TRPM3: variants seen among roughly 807,000 people sequenced by gnomAD.
TRPM3 encodes the protein transient receptor potential cation channel subfamily M member 3, also known as long transient receptor potential channel 3.
TRPM3 carries 77 observed loss-of-function variants against 181.2 expected under a neutral mutation model. The observed-to-expected ratio is 0.42, with a 90% CI of 0.35 to 0.51. The LOEUF (loss-of-function observed/expected upper bound fraction) is 0.51, where lower values mean the gene tolerates loss of function less well. TRPM3 is among the 20% of genes least tolerant of loss of function. The probability of loss-of-function intolerance (pLI) is 0.01; values close to 1 mark genes in which losing one functional copy is unlikely to be tolerated. For missense variants in TRPM3, 1,759 were observed against 2,196.7 expected (o/e 0.80, Z 3.98); for synonymous variants, 745 against 796.4 (o/e 0.94, Z 1.09).
In TRPM3 at chr9:70,923,826, CTCTATA is replaced by C. The variant is rs200226662; in HGVS notation, c.178-59321_178-59316del. ...ACACTCTCTCTCTCTCTCTCTCTCT[CTCTATA>C]TATATATATATACACACACACACAC... is the stretch of plus-strand genomic sequence containing the variant. On this transcript the variant is annotated intron_variant, in intron 1 of 25. Coordinates refer to ENST00000677713, the MANE Select transcript of TRPM3 (RefSeq NM_001366145.2). Among the ~76,000 whole-genome samples, 5 of 142,486 alleles carry C rather than the reference CTCTATA, an allele frequency of 3.5e-5. No individual in the cohort carries two copies. In the South Asian group the frequency reaches 9.0e-4, roughly 26 times the overall value. 93.5% of individuals were successfully genotyped at this position (142,486 alleles called of 152,430 possible).
At chr9:70,831,923 T>C (rs1318110212) in intron 5 of TRPM3, among the ~76,000 whole-genome samples, 2 of 130,130 alleles carry the variant, frequency 1.5e-5, no homozygotes, top group Non-Finnish European at 3.2e-5. Flanking sequence ...GCTTATTTCA[T>C]AGTGCATGTC....
At chr9:70,768,738 A>T (rs2079614255) in intron 7 of TRPM3, among the ~76,000 whole-genome samples, 1 of 152,020 alleles carries the variant, frequency 6.6e-6, no homozygotes, top group Non-Finnish European at 1.5e-5. Flanking sequence ...TGGCCACCCA[A>T]CTCAAAAACG....
chr9:70,905,637 GTGA>G (rs1245965024), intron 1 of TRPM3, among the ~76,000 whole-genome samples: 1 of 152,110 alleles, frequency 6.6e-6, no homozygotes, highest in East Asian at 1.9e-4. Flanking sequence ...ACCTAGAAAT[GTGA>G]TGAATAACCT....
intron 1 of TRPM3, among the ~76,000 whole-genome samples, chr9:71,091,212 A>C (rs2066159452): frequency 6.6e-6 from 1 of 152,064 alleles, no homozygotes; most frequent in Admixed American, 6.6e-5. Flanking sequence ...TTATTAACAG[A>C]AGTTGTATTG....
chr9:70,879,580 C>T (rs1442676834), intron 1 of TRPM3, among the ~76,000 whole-genome samples: 3 of 152,026 alleles, frequency 2.0e-5, no homozygotes, highest in Admixed American at 2.0e-4. Flanking sequence ...AGGGACCAGA[C>T]CATATCTATT....
intron 1 of TRPM3, among the ~76,000 whole-genome samples, chr9:71,381,891 T>C (rs1433870906): frequency 6.6e-6 from 1 of 152,136 alleles, no homozygotes; most frequent in African/African-American, 2.4e-5. Context: ...GTTCAGCAAA[T>C]GTTAATGGAT....
chr9:70,758,709 TG>T lies in TRPM3; in HGVS notation c.1272+2891del, dbSNP rs531965347. ...ACAACGATCTGATCTTTGACAAACCTGACAAAAACAAGCAATGGGGAAAGGA... is the reference window on the plus strand; with the variant it reads ...ACAACGATCTGATCTTTGACAAACCTACAAAAACAAGCAATGGGGAAAGGA... On this transcript the variant is annotated intron_variant, in intron 8 of 25. Coordinates refer to ENST00000677713, the MANE Select transcript of TRPM3 (RefSeq NM_001366145.2). Among the ~76,000 whole-genome samples, 14 of 152,230 alleles carry T rather than the reference TG, an allele frequency of 9.2e-5. No homozygotes were observed. The East Asian group carries it at 2.1e-3, about 23-fold the overall frequency.
chr9:70,536,099 G>GT lies in TRPM3; in HGVS notation c.5013dup (p.Leu1672ThrfsTer44). On this transcript the variant is annotated frameshift_variant, in exon 26 of 26. Transcript: ENST00000677713. LOFTEE classifies it high-confidence loss of function. ...CTTGCTGTGTTCCGCTGCCTGTCGA[G>GT]TTTGTCACTGATGGAGAAGCTCTTC... The GT allele has an allele frequency of 6.2e-7, 1 of 1,614,206 alleles. No individual in the cohort carries two copies. The highest frequency in any genetic ancestry group is 8.5e-7 in the Non-Finnish European group (1 of 1,180,034).
In TRPM3 at chr9:70,616,092, G is replaced by T. The variant is rs775263106; in HGVS notation, c.2359-17C>A. 14 of 1,514,248 alleles carry T rather than the reference G, an allele frequency of 9.2e-6. No individual in the cohort carries two copies. Among genetic ancestry groups the T allele is most frequent in the Non-Finnish European group, 9.8e-6 (11 of 1,124,736 alleles). The allele number at this position is 1,514,248 out of a possible 1,614,324, so 93.8% of individuals were successfully genotyped here. A position where few individuals can be genotyped will look rare whatever the true frequency, so the allele number is the denominator to read the frequency against. Reference sequence around the variant, plus strand: ...CAGAATTACCTAAAGTAATAATAATGATAATAATAATAATCACATTTAAAG... The same window carrying T: ...CAGAATTACCTAAAGTAATAATAATTATAATAATAATAATCACATTTAAAG... On this transcript the variant is annotated splice_polypyrimidine_tract_variant and intron_variant, in intron 17 of 25. Transcript: ENST00000677713.
At chr9:71,328,103 A>T (rs1332499916) in intron 1 of TRPM3, among the ~76,000 whole-genome samples, 1 of 151,202 alleles carries the variant, frequency 6.6e-6, no homozygotes, top group East Asian at 1.9e-4. Context: ...CCCAAGTGAC[A>T]AGAGTGAAGA....
intron 1 of TRPM3, among the ~76,000 whole-genome samples, chr9:71,004,965 C>T (rs758048330): frequency 2.0e-5 from 3 of 152,084 alleles, no homozygotes; most frequent in African/African-American, 4.8e-5. Context: ...GTAAAGAAGG[C>T]TTATGACAAT....
At chr9:71,388,023 G>C (rs17535276) in intron 1 of TRPM3, among the ~76,000 whole-genome samples, 8 of 151,954 alleles carry the variant, frequency 5.3e-5, no homozygotes, top group African/African-American at 1.9e-4. Context: ...GAAGATGAAG[G>C]GTTCTTTTCC....
chr9:70,625,083 A>C lies in TRPM3; in HGVS notation c.1809+108T>G. 1.7e-6 allele frequency: 2 copies of C among 1,206,936 alleles called. No individual in the cohort carries two copies. Among genetic ancestry groups the C allele is most frequent in the Non-Finnish European group, 2.3e-6 (2 of 874,880 alleles). The allele number at this position is 1,206,936 out of a possible 1,614,324, so 74.8% of individuals were successfully genotyped here. ...TCTTTGATTGTTTAGGTTCACTCTCAGCGCAATTTTCTGATTTTAATTCCC... is the reference window on the plus strand; with the variant it reads ...TCTTTGATTGTTTAGGTTCACTCTCCGCGCAATTTTCTGATTTTAATTCCC... On this transcript the variant is annotated intron_variant, in intron 14 of 25. Coordinates refer to ENST00000677713, the MANE Select transcript of TRPM3 (RefSeq NM_001366145.2). This position sits in a 1 kb window ranked among gnomAD's most constrained non-coding sequence, Gnocchi z 4.8.
rs564445739 is a variant in TRPM3, at chr9:71,172,743, C to T, written c.183+273910G>A. Reference sequence around the variant, plus strand: ...ACTCAGATTTACTGAACATGCTATGCGTTAGAAAAATCTCCAAACAGAATA... The same window carrying T: ...ACTCAGATTTACTGAACATGCTATGTGTTAGAAAAATCTCCAAACAGAATA... On this transcript the variant is annotated intron_variant, in intron 1 of 24. Coordinates refer to the TRPM3 transcript ENST00000357533. Among the ~76,000 whole-genome samples, 23 of 152,238 alleles carry T rather than the reference C, an allele frequency of 1.5e-4. 1 individual carries two copies. Among genetic ancestry groups the T allele is most frequent in the African/African-American group, 5.5e-4 (23 of 41,532 alleles).
intron 1 of TRPM3, among the ~76,000 whole-genome samples, chr9:71,154,244 A>C (rs570869835): frequency 2.3e-4 from 35 of 152,282 alleles, no homozygotes; most frequent in African/African-American, 8.2e-4. Context: ...ATAAGCACTT[A>C]TTATATTTAA....
At chr9:71,294,079 T>C (rs2086052067) in intron 1 of TRPM3, among the ~76,000 whole-genome samples, 1 of 152,036 alleles carries the variant, frequency 6.6e-6, no homozygotes, top group Admixed American at 6.6e-5. Flanking sequence ...CGATTATCTT[T>C]ATGATATCAT....
chr9:71,307,585 T>A (rs533417685), intron 1 of TRPM3, among the ~76,000 whole-genome samples: 1 of 152,258 alleles, frequency 6.6e-6, no homozygotes, highest in African/African-American at 2.4e-5. Flanking sequence ...CTGTTTTTAG[T>A]GGGGGAAGAG....
intron 1 of TRPM3, among the ~76,000 whole-genome samples, chr9:71,066,590 G>A (rs1397510133): frequency 6.6e-6 from 1 of 152,078 alleles, no homozygotes; most frequent in Non-Finnish European, 1.5e-5. Flanking sequence ...GGCCTCTGAT[G>A]GTCTTATATA....
At chr9:70,753,017 G>A (rs2076454116) in intron 8 of TRPM3, among the ~76,000 whole-genome samples, 1 of 152,108 alleles carries the variant, frequency 6.6e-6, no homozygotes, top group South Asian at 2.1e-4. Context: ...TGAGGCAGGA[G>A]AATTGCTTGA....
Sources: gnomAD v4.1 joint callset for allele counts (sites outside exome capture counted in the v4.1 genomes callset) on GRCh38, gnomAD v4.1.1 for gene constraint, Gnocchi (gnomAD v3.1) non-coding constraint, MANE v1.5 for transcripts, NCBI Gene and HGNC (gene_info 2026-07-23, HGNC 2026-07-21) for gene names.